The following CHL1 variants were observed in gnomAD, a reference collection of about 807,000 sequenced individuals.
CHL1 encodes the protein cell adhesion molecule L1 like.
Under a neutral mutation model 141.9 loss-of-function variants are expected in CHL1, and 96 were observed. That is an observed-to-expected ratio of 0.68 (90% CI 0.57 to 0.80). The LOEUF is 0.80. Among genes scored for constraint, CHL1 ranks in the 30% least tolerant of loss-of-function variants. The pLI, the probability that CHL1 is intolerant of heterozygous loss-of-function variation, is 0.00. For missense variants in CHL1, 1,820 were observed against 1,457.2 expected (o/e 1.25, Z -4.05); for synonymous variants, 613 against 502.2 (o/e 1.22, Z -2.95).
At chr3:381,345 G>A (rs1707013080) in intron 16 of CHL1, among the ~76,000 whole-genome samples, 1 of 152,152 alleles carries the variant, frequency 6.6e-6, no homozygotes, top group Admixed American at 6.6e-5. Context: ...CCAACCCAGT[G>A]CAGTAAGACC....
At chr3:322,032 T>G (rs1354228628) in intron 3 of CHL1, among the ~76,000 whole-genome samples, 2 of 152,122 alleles carry the variant, frequency 1.3e-5, no homozygotes. Context: ...GTTCACAAGT[T>G]ATTAGCTGAT....
intron 9 of CHL1, among the ~76,000 whole-genome samples, chr3:345,338 T>C (rs9822029): frequency 0.28 from 42,624 of 151,762 alleles, 6,069 homozygotes; most frequent in East Asian, 0.38. Flanking sequence ...CTATTTTTAC[T>C]CTGCTGCCCT....
chr3:274,752 A>G (rs1269183101), intron 2 of CHL1, among the ~76,000 whole-genome samples: 1 of 152,238 alleles, frequency 6.6e-6, no homozygotes, highest in Non-Finnish European at 1.5e-5. Flanking sequence ...AATTTGTGAA[A>G]TACAGGTGTA....
intron 5 of CHL1, among the ~76,000 whole-genome samples, 188 bp from the exon 6 acceptor site, chr3:340,606 G>A (rs1702273796): frequency 6.6e-6 from 1 of 152,046 alleles, no homozygotes; most frequent in Non-Finnish European, 1.5e-5. Context: ...TATTTTTAAA[G>A]TTGTGTAAAG....
At chr3:334,645 C>T (rs1263750149) in intron 5 of CHL1, among the ~76,000 whole-genome samples, 1 of 152,146 alleles carries the variant, frequency 6.6e-6, no homozygotes, top group Non-Finnish European at 1.5e-5. Context: ...TATTTCACTG[C>T]ATGGATATCA....
In CHL1 at chr3:278,921, C is replaced by G. The variant is rs138749114; in HGVS notation, c.-95+34229C>G. Among the ~76,000 whole-genome samples, 5 of 152,308 alleles carry G rather than the reference C, an allele frequency of 3.3e-5. No individual in the cohort carries two copies. In the East Asian group the frequency reaches 9.7e-4, roughly 29 times the overall value. ...AGAAAAATCCAGGAAGCATGAGTTT[C>G]AGATGTGAGTTTGCCCTTGCCTTTC... On this transcript the variant is annotated intron_variant, in intron 2 of 27. Transcript: ENST00000256509.
intron 2 of CHL1, among the ~76,000 whole-genome samples, chr3:249,759 A>G (rs1205278530): frequency 6.6e-6 from 1 of 152,100 alleles, no homozygotes; most frequent in Non-Finnish European, 1.5e-5. Context: ...GGTCCATGGT[A>G]ACATACTAAT....
chr3:325,604 T>C (rs1700941422), intron 3 of CHL1, among the ~76,000 whole-genome samples: 1 of 152,026 alleles, frequency 6.6e-6, no homozygotes, highest in Admixed American at 6.6e-5. Context: ...TCAAAGTGAC[T>C]GAACTAAGTA....
At chr3:374,871 C>T (rs1706117905) in intron 15 of CHL1, among the ~76,000 whole-genome samples, 1 of 152,186 alleles carries the variant, frequency 6.6e-6, no homozygotes, top group Non-Finnish European at 1.5e-5. Context: ...TATTACTATG[C>T]AGAAGACCGG....
chr3:384,443 G>A (rs1183458446), intron 19 of CHL1: 1 of 152,022 alleles, frequency 6.6e-6, no homozygotes, highest in Non-Finnish European at 1.5e-5. Context: ...CGCAAAGCTA[G>A]GATTTATGTA....
chr3:255,535 C>G (rs1453995552), intron 2 of CHL1, among the ~76,000 whole-genome samples: 1 of 151,996 alleles, frequency 6.6e-6, no homozygotes, highest in Admixed American at 6.6e-5. Flanking sequence ...ACACACTAAA[C>G]TGTACTGCTG....
chr3:343,801 G>C (rs978457297), intron 8 of CHL1, among the ~76,000 whole-genome samples: 2 of 152,110 alleles, frequency 1.3e-5, no homozygotes, highest in East Asian at 3.8e-4. Flanking sequence ...TTTCCTTTGA[G>C]ATTAATAACT....
At chr3:294,676 A>G (rs1454929539) in intron 2 of CHL1, among the ~76,000 whole-genome samples, 1 of 137,320 alleles carries the variant, frequency 7.3e-6, no homozygotes, top group African/African-American at 3.1e-5. Context: ...TATATTAGTA[A>G]CAGTACAGGC....
intron 2 of CHL1, among the ~76,000 whole-genome samples, chr3:276,200 G>A (rs148555214): frequency 6.2e-4 from 95 of 152,110 alleles, no homozygotes; most frequent in African/African-American, 2.2e-3. Flanking sequence ...CATTATGTCT[G>A]TTTAATTCAC....
At chr3:228,719 C>T (rs1157784417) in intron 1 of CHL1, among the ~76,000 whole-genome samples, 1 of 152,152 alleles carries the variant, frequency 6.6e-6, no homozygotes, top group Non-Finnish European at 1.5e-5. Context: ...GGATTTCTAT[C>T]AACTCCATGA....
chr3:229,717 C>A (rs114058420), intron 1 of CHL1, among the ~76,000 whole-genome samples: 1 of 151,964 alleles, frequency 6.6e-6, no homozygotes, highest in African/African-American at 2.4e-5. Context: ...TCAGTGGAAT[C>A]TTTATAGCTG....
intron 2 of CHL1, among the ~76,000 whole-genome samples, chr3:295,925 A>AT (rs906581337): frequency 5.3e-5 from 8 of 152,174 alleles, no homozygotes; most frequent in African/African-American, 1.9e-4. Flanking sequence ...TAAGTCTCTC[A>AT]TTTTGAATTC....
chr3:372,322 T>C (rs1240962288), intron 15 of CHL1, among the ~76,000 whole-genome samples: 1 of 152,152 alleles, frequency 6.6e-6, no homozygotes, highest in African/African-American at 2.4e-5. Context: ...TTCTTTTTTC[T>C]CTAGTCTTGT....
At chr3:375,723 T>C (rs921111930) in intron 15 of CHL1, among the ~76,000 whole-genome samples, 7 of 152,172 alleles carry the variant, frequency 4.6e-5, no homozygotes, top group African/African-American at 1.4e-4. Context: ...TTATGTGCTT[T>C]ACCTCATTTA....
Sources: allele counts gnomAD v4.1 joint callset (sites outside exome capture counted in the v4.1 genomes callset), GRCh38; gene constraint gnomAD v4.1.1; transcripts MANE v1.5; gene names NCBI Gene and HGNC (gene_info 2026-07-23, HGNC 2026-07-21).